PDE4D: variants seen among roughly 807,000 people sequenced by gnomAD.
PDE4D encodes the protein 3',5'-cyclic-AMP phosphodiesterase 4D.
In PDE4D, 24 loss-of-function variants were observed where a neutral mutation model predicts 87.4. The ratio of observed to expected loss-of-function variants is 0.27; its 90% CI spans 0.20 to 0.39. The LOEUF is 0.39. PDE4D is among the 10% of genes least tolerant of loss of function. The pLI is 1.00. For synonymous variants in PDE4D, 384 were observed against 383.2 expected, an observed-to-expected ratio of 1.00 and a Z score of -0.02; for missense variants, 714 against 1,041.0, an observed-to-expected ratio of 0.69 and a Z score of 4.32.
At chr5:59,443,630 T>A (rs931458923) in intron 1 of PDE4D, among the ~76,000 whole-genome samples, 9 of 152,212 alleles carry the variant, frequency 5.9e-5, no homozygotes, top group Non-Finnish European at 1.3e-4. Context: ...TTAACGTGAT[T>A]ATTTTGCCAT....
chr5:60,142,982 A>T (rs769813297), intron 2 of PDE4D, among the ~76,000 whole-genome samples: 1 of 152,224 alleles, frequency 6.6e-6, no homozygotes, highest in Non-Finnish European at 1.5e-5. Context: ...TTTAAATTTT[A>T]ACTACTTTTA....
At chr5:59,618,586 A>C (rs1450216209) in intron 1 of PDE4D, among the ~76,000 whole-genome samples, 1 of 152,124 alleles carries the variant, frequency 6.6e-6, no homozygotes, top group Non-Finnish European at 1.5e-5. Context: ...ATCCTCTAGA[A>C]AAAAATGTTC....
chr5:59,803,438 A>G (rs1408410052), intron 1 of PDE4D, among the ~76,000 whole-genome samples: 2 of 151,722 alleles, frequency 1.3e-5, no homozygotes, highest in African/African-American at 4.8e-5. Flanking sequence ...GGCTGGGATT[A>G]CAGGTGCCCG....
chr5:59,610,761 G>A (rs1331757716), intron 1 of PDE4D, among the ~76,000 whole-genome samples: 4 of 152,146 alleles, frequency 2.6e-5, no homozygotes, highest in Non-Finnish European at 4.4e-5. Context: ...GGGGGAAAAG[G>A]AGACTACATG....
intron 1 of PDE4D, among the ~76,000 whole-genome samples, chr5:59,790,764 A>G (rs766842217): frequency 2.4e-4 from 36 of 152,142 alleles, no homozygotes; most frequent in Admixed American, 1.5e-3. Flanking sequence ...TGAGCCTAAT[A>G]TGCAATTCAT....
At chr5:59,507,188 C>T (rs186947563) in intron 1 of PDE4D, among the ~76,000 whole-genome samples, 2,709 of 152,036 alleles carry the variant, frequency 0.018, 36 homozygotes, top group Non-Finnish European at 0.029. Flanking sequence ...AAAAATTAGC[C>T]GTGTGTAGTG....
At chr5:60,330,350 A>T (rs1350387709) in intron 1 of PDE4D, among the ~76,000 whole-genome samples, 2 of 152,256 alleles carry the variant, frequency 1.3e-5, no homozygotes, top group Non-Finnish European at 2.9e-5. Flanking sequence ...AGCAAGGAAG[A>T]CAGACAAATA....
intron 1 of PDE4D, among the ~76,000 whole-genome samples, chr5:60,335,877 C>G (rs747224005): frequency 5.9e-5 from 9 of 152,118 alleles, no homozygotes; most frequent in Non-Finnish European, 1.2e-4. Flanking sequence ...ACCTAGAAAC[C>G]AAAGATGCTA....
At chr5:60,293,709 C>G (rs1354203948) in intron 1 of PDE4D, among the ~76,000 whole-genome samples, 1 of 151,968 alleles carries the variant, frequency 6.6e-6, no homozygotes, top group Admixed American at 6.6e-5. Context: ...TCCTTTTTGT[C>G]TCGATTCCTT....
intron 1 of PDE4D, among the ~76,000 whole-genome samples, chr5:60,364,635 G>T (rs996153824): frequency 6.6e-6 from 1 of 152,008 alleles, no homozygotes; most frequent in African/African-American, 2.4e-5. Flanking sequence ...TAAACTTTAT[G>T]AACCATGCTT....
At chr5:60,309,265 C>G (rs1273694541) in intron 1 of PDE4D, among the ~76,000 whole-genome samples, 1 of 151,964 alleles carries the variant, frequency 6.6e-6, no homozygotes, top group Non-Finnish European at 1.5e-5. Context: ...CAACAGGAAG[C>G]TAAATTTAAA....
chr5:59,450,796 C>T (rs1258147739), intron 1 of PDE4D, among the ~76,000 whole-genome samples: 5 of 152,120 alleles, frequency 3.3e-5, no homozygotes, highest in Non-Finnish European at 2.9e-5. Context: ...GTTACCAACT[C>T]GGGCAAATCC....
At chr5:59,811,782 C>T (rs1186948815) in intron 1 of PDE4D, among the ~76,000 whole-genome samples, 1 of 152,226 alleles carries the variant, frequency 6.6e-6, no homozygotes, top group Non-Finnish European at 1.5e-5. Context: ...AGGTACATAA[C>T]TTTTCTAAGA....
chr5:59,528,222 T>C (rs928457709), intron 1 of PDE4D, among the ~76,000 whole-genome samples: 2 of 152,162 alleles, frequency 1.3e-5, no homozygotes, highest in African/African-American at 2.4e-5. Flanking sequence ...ATCAGACATA[T>C]GATAAAGCTT....
At chr5:59,807,928 G>A (rs1157059415) in intron 1 of PDE4D, among the ~76,000 whole-genome samples, 3 of 152,168 alleles carry the variant, frequency 2.0e-5, no homozygotes, top group Non-Finnish European at 4.4e-5. Flanking sequence ...AGACGTCTGT[G>A]GTGGGGTTGG....
chr5:59,379,413 A>T (rs1299415374), intron 1 of PDE4D, among the ~76,000 whole-genome samples: 2 of 152,212 alleles, frequency 1.3e-5, no homozygotes, highest in African/African-American at 2.4e-5. Flanking sequence ...TCAGAAAATT[A>T]AATTTTTTTA....
intron 1 of PDE4D, among the ~76,000 whole-genome samples, chr5:60,291,986 G>T (rs909156467): frequency 6.6e-6 from 1 of 151,984 alleles, no homozygotes; most frequent in African/African-American, 2.4e-5. Context: ...ACATTATACA[G>T]ACTTTTTCGT....
chr5:60,279,410 C>T (rs1751675987), intron 1 of PDE4D, among the ~76,000 whole-genome samples: 1 of 152,126 alleles, frequency 6.6e-6, no homozygotes, highest in Non-Finnish European at 1.5e-5. Context: ...CCCTCCTTGC[C>T]TTTTCTGACA....
chr5:59,287,718 C>CACAG (rs1554121974), intron 1 of PDE4D, among the ~76,000 whole-genome samples: 3 of 149,658 alleles, frequency 2.0e-5, no homozygotes, highest in Non-Finnish European at 3.0e-5. Flanking sequence ...GAGACACACA[C>CACAG]AGAGAGAGAG....
Sources: allele counts gnomAD v4.1 joint callset (sites outside exome capture counted in the v4.1 genomes callset), GRCh38; gene constraint gnomAD v4.1.1; transcripts MANE v1.5; gene names NCBI Gene and HGNC (gene_info 2026-07-23, HGNC 2026-07-21).